Variants in WWP1 observed in about 807,000 individuals in gnomAD.
WWP1 encodes the protein WW domain containing E3 ubiquitin protein ligase 1, also known as NEDD4-like E3 ubiquitin-protein ligase WWP1.
WWP1 carries 49 observed loss-of-function variants against 130.6 expected under a neutral mutation model. The observed-to-expected ratio is 0.38, with a 90% confidence interval of 0.30 to 0.48. The LOEUF (loss-of-function observed/expected upper bound fraction) is 0.48, where lower values mean the gene tolerates loss of function less well. WWP1 is among the 20% of genes least tolerant of loss of function. The pLI is 0.99. For synonymous variants in WWP1, 332 were observed against 367.8 expected (o/e 0.90, Z 1.11); for missense variants, 809 against 1,100.6 (o/e 0.74, Z 3.75).
chr8:86,463,671 GA>G (rs1811887404), intron 24 of WWP1, among the ~76,000 whole-genome samples: 1 of 151,750 alleles, frequency 6.6e-6, no homozygotes, highest in South Asian at 2.1e-4. Context: ...TCAACATTTA[GA>G]AAATCCTTAT....
intron 5 of WWP1, among the ~76,000 whole-genome samples, chr8:86,393,087 A>G (rs1448597368): frequency 2.0e-5 from 3 of 152,188 alleles, no homozygotes; most frequent in Admixed American, 2.0e-4. Context: ...TTCATCATTT[A>G]TGATTGTCTC....
At chr8:86,408,630 C>T (rs190404650) in intron 8 of WWP1, among the ~76,000 whole-genome samples, 1 of 152,246 alleles carries the variant, frequency 6.6e-6, no homozygotes, top group Admixed American at 6.5e-5. Flanking sequence ...GTGTTTTCTT[C>T]ACGCTGGTTG....
chr8:86,438,768 A>C (rs1563534434), intron 17 of WWP1, 95 bp downstream of exon 17: 1 of 1,048,792 alleles, frequency 9.5e-7, no homozygotes, highest in Non-Finnish European at 1.3e-6. Flanking sequence ...TATTGTATTA[A>C]ATTTTTGAAT....
At chr8:86,443,202 AGCTGAGACTACAG>A (rs1368442501) in intron 18 of WWP1, among the ~76,000 whole-genome samples, 1 of 152,048 alleles carries the variant, frequency 6.6e-6, no homozygotes, top group African/African-American at 2.4e-5. Context: ...CCTCCCAAGT[AGCTGAGACTACAG>A]GCTCACACCA....
intron 5 of WWP1, among the ~76,000 whole-genome samples, chr8:86,394,087 T>C (rs1378457354): frequency 1.3e-5 from 2 of 152,368 alleles, no homozygotes; most frequent in East Asian, 3.9e-4. Context: ...TTATTGTTAT[T>C]TTTAGCCAGT....
chr8:86,357,360 C>T (rs1305221532), intron 1 of WWP1, among the ~76,000 whole-genome samples: 1 of 151,990 alleles, frequency 6.6e-6, no homozygotes, highest in Admixed American at 6.6e-5. Flanking sequence ...TATATGACTG[C>T]TAACAGCCAA....
chr8:86,389,787 C>G (rs1265603690), intron 5 of WWP1, among the ~76,000 whole-genome samples: 1 of 148,576 alleles, frequency 6.7e-6, no homozygotes, highest in Admixed American at 6.7e-5. Flanking sequence ...CCGGCGGAGG[C>G]CGCCCCCCAC....
intron 1 of WWP1, among the ~76,000 whole-genome samples, chr8:86,352,910 A>AAT (rs1823025522): frequency 6.6e-6 from 1 of 152,238 alleles, no homozygotes; most frequent in African/African-American, 2.4e-5. Flanking sequence ...CAAAAGCAGA[A>AAT]ATTATTTTGA....
intron 24 of WWP1, among the ~76,000 whole-genome samples, chr8:86,464,520 A>G (rs1306237295): frequency 6.7e-6 from 1 of 150,078 alleles, no homozygotes; most frequent in Non-Finnish European, 1.5e-5. Context: ...TTGGAAATCC[A>G]TTTTTTTTTT....
chr8:86,468,216 T>A lies in WWP1; in HGVS notation c.*1323T>A, dbSNP rs1300183802. ...TAGCCATGGAACTGACTTCTTAAAATCTGTTGCCTATAAATATTTCACTGC... is the reference window on the plus strand; with the variant it reads ...TAGCCATGGAACTGACTTCTTAAAAACTGTTGCCTATAAATATTTCACTGC... On this transcript the variant is annotated 3_prime_UTR_variant, in exon 25 of 25. Coordinates refer to ENST00000517970, the MANE Select transcript of WWP1 (RefSeq NM_007013.4). 1.1e-5 allele frequency: 3 copies of A among 277,186 alleles called. No individual in the cohort carries two copies. The highest frequency in any genetic ancestry group is 6.8e-5 in the African/African-American group (3 of 44,048). The allele number at this position is 277,186 out of a possible 1,614,324, so 17.2% of individuals were successfully genotyped here.
At chr8:86,348,432 G>T (rs1822715299) in intron 1 of WWP1, among the ~76,000 whole-genome samples, 1 of 152,014 alleles carries the variant, frequency 6.6e-6, no homozygotes, top group Non-Finnish European at 1.5e-5. Context: ...TGGTCAGGCT[G>T]GTCTTGAACT....
In WWP1 at chr8:86,431,714, C is replaced by T; in HGVS notation, c.1572C>T (p.Phe524=). 6.2e-7 allele frequency: 1 copy of T among 1,613,822 alleles called. No individual in the cohort carries two copies. Residue 524 remains phenylalanine, a synonymous_variant, in exon 14 of 25, where the codon TTC becomes TTT. Coordinates refer to ENST00000517970, the MANE Select transcript of WWP1 (RefSeq NM_007013.4). ...ATCATAACACAAGAACAACAACATT[C>T]AAAGATCCTCGCAATGGGAAGTCAT... ...FVDHNTRTTT[F]KDPRNGKSSV...
At chr8:86,430,796 TCCA>T (rs754678034) in intron 12 of WWP1, 45 bp downstream of exon 12, 2 of 316,200 alleles carry the variant, frequency 6.3e-6, no homozygotes, top group Non-Finnish European at 9.6e-6. Flanking sequence ...TATATATCTC[TCCA>T]TATATATATA....
At chr8:86,353,758 C>T (rs1823091680) in intron 1 of WWP1, among the ~76,000 whole-genome samples, 1 of 152,198 alleles carries the variant, frequency 6.6e-6, no homozygotes, top group East Asian at 1.9e-4. Context: ...GCTGGGATTA[C>T]AGGCTTGAGC....
chr8:86,356,229 GC>G (rs1371117984), intron 1 of WWP1, among the ~76,000 whole-genome samples: 1 of 152,048 alleles, frequency 6.6e-6, no homozygotes, highest in African/African-American at 2.4e-5. Context: ...GAAGTCTTGG[GC>G]TTTATCATCT....
chr8:86,401,899 A>T, intron 7 of WWP1, 120 bp from the exon 8 acceptor site: 1 of 1,054,392 alleles, frequency 9.5e-7, no homozygotes, highest in Non-Finnish European at 1.3e-6. Flanking sequence ...AATCTAAAAA[A>T]TTTTAAAAAA....
chr8:86,369,916 AC>A (rs1157918644), intron 2 of WWP1, among the ~76,000 whole-genome samples: 1 of 152,034 alleles, frequency 6.6e-6, no homozygotes, highest in Non-Finnish European at 1.5e-5. Context: ...TAAAAAAAAA[AC>A]CCATGTAATT....
At chr8:86,377,336 G>T (rs1489793238) in intron 3 of WWP1, among the ~76,000 whole-genome samples, 2 of 151,160 alleles carry the variant, frequency 1.3e-5, no homozygotes, top group Non-Finnish European at 2.9e-5. Context: ...GACCACAGGT[G>T]ATCCGCCTGC....
rs1330846617 is a variant in WWP1 at position 86,435,507 on chromosome 8, C to T, written c.1657C>T (p.His553Tyr). Reference sequence around the variant, plus strand: ...ACGCGGCTTTAGGTGGAAGCTTGCTCACTTCCGTTATTTGTGCCAGGTACT... The same window carrying T: ...ACGCGGCTTTAGGTGGAAGCTTGCTTACTTCCGTTATTTGTGCCAGGTACT... ...YERGFRWKLAHFRYLCQSNAL... is the reference protein window; with the variant it reads ...YERGFRWKLAYFRYLCQSNAL... The change falls in exon 15 of 25, where the codon CAC becomes TAC. Residue 553 changes from histidine to tyrosine, a missense_variant. Physicochemically the swap from His to Tyr is moderately conservative, Grantham distance 83. This residue lies in a region of WWP1 where 450 missense variants were observed against 674.2 expected (regional missense o/e 0.67). Transcript: ENST00000517970. The T allele has an allele frequency of 1.9e-6, 3 of 1,614,156 alleles. No homozygotes were observed. The highest frequency in any genetic ancestry group is 1.7e-5 in the Admixed American group (1 of 60,018).
Sources: gnomAD v4.1 joint callset for allele counts (sites outside exome capture counted in the v4.1 genomes callset) on GRCh38, gnomAD v4.1.1 for gene constraint, gnomAD v4.1.1 regional missense constraint, MANE v1.5 for transcripts, NCBI Gene and HGNC (gene_info 2026-07-23, HGNC 2026-07-21) for gene names.